Variants in TMEM132D observed in about 807,000 individuals in gnomAD.
The protein encoded by TMEM132D is transmembrane protein 132D.
In TMEM132D, 21 loss-of-function variants were observed where a neutral mutation model predicts 62.3. That is an observed-to-expected ratio of 0.34 (90% CI 0.24 to 0.49). TMEM132D has a LOEUF of 0.49. Ranked by LOEUF, TMEM132D falls within the 20% of genes least tolerant of loss-of-function variation. The pLI is 0.99. For synonymous variants in TMEM132D, 621 were observed against 575.6 expected (o/e 1.08, Z -1.13); for missense variants, 1,346 against 1,402.8 (o/e 0.96, Z 0.65).
intron 2 of TMEM132D, among the ~76,000 whole-genome samples, chr12:129,671,767 G>A (rs1308772778): frequency 6.6e-6 from 1 of 152,046 alleles, no homozygotes; most frequent in East Asian, 1.9e-4. Flanking sequence ...TTAAAGAAGT[G>A]GAAGCTACTT....
chr12:129,589,483 T>A (rs928901097), intron 2 of TMEM132D, among the ~76,000 whole-genome samples: 2 of 152,224 alleles, frequency 1.3e-5, no homozygotes, highest in Non-Finnish European at 2.9e-5. Context: ...TACCCGCATA[T>A]GCAAGGACAA....
At chr12:129,838,883 C>T (rs1851117148) in intron 1 of TMEM132D, among the ~76,000 whole-genome samples, 1 of 151,770 alleles carries the variant, frequency 6.6e-6, no homozygotes, top group African/African-American at 2.4e-5. Flanking sequence ...TGCTATATTC[C>T]ATTTAGCAGT....
In TMEM132D at chr12:129,724,858, T is replaced by C. The variant is rs148809555; in HGVS notation, c.80-24160A>G. ...TTAAGCTACTAAGTTTGTGGCAATT[T>C]CTTACAGCGGCAATAGGAAATTATA... On this transcript the variant is annotated intron_variant, in intron 1 of 8. Coordinates refer to ENST00000422113, the MANE Select transcript of TMEM132D (RefSeq NM_133448.3). Among the ~76,000 whole-genome samples the C allele has an allele frequency of 2.1e-3, 319 of 152,304 alleles. 2 individuals are homozygous for C. The highest frequency in any genetic ancestry group is 6.9e-3 in the African/African-American group (286 of 41,564).
chr12:129,542,521 C>A (rs1876611257), intron 2 of TMEM132D, among the ~76,000 whole-genome samples: 1 of 151,990 alleles, frequency 6.6e-6, no homozygotes, highest in Non-Finnish European at 1.5e-5. Flanking sequence ...ATTCAAATGG[C>A]ATGAATGGGG....
At chr12:129,743,519 A>G in intron 1 of TMEM132D, among the ~76,000 whole-genome samples, 1 of 152,196 alleles carries the variant, frequency 6.6e-6, no homozygotes, top group East Asian at 1.9e-4. Context: ...CTCCCCAGCC[A>G]TGCTGAACTG....
chr12:129,393,052 A>G (rs1371948522), intron 3 of TMEM132D, among the ~76,000 whole-genome samples: 1 of 152,220 alleles, frequency 6.6e-6, no homozygotes, highest in Admixed American at 6.5e-5. Flanking sequence ...CTAAGGTGCT[A>G]GAAGCTCAGA....
At chr12:129,387,071 A>G (rs1196887326) in intron 3 of TMEM132D, among the ~76,000 whole-genome samples, 2 of 151,804 alleles carry the variant, frequency 1.3e-5, no homozygotes, top group Non-Finnish European at 2.9e-5. Flanking sequence ...AACACCAAAC[A>G]CCAACACGAA....
At chr12:129,584,959 G>C (rs1354579015) in intron 2 of TMEM132D, among the ~76,000 whole-genome samples, 1 of 152,176 alleles carries the variant, frequency 6.6e-6, no homozygotes, top group East Asian at 1.9e-4. Context: ...AAATCTGAGA[G>C]ACTCTGAGCT....
At chr12:129,355,839 C>G (rs1285161384) in intron 3 of TMEM132D, among the ~76,000 whole-genome samples, 1 of 152,166 alleles carries the variant, frequency 6.6e-6, no homozygotes, top group Non-Finnish European at 1.5e-5. Context: ...GCCTAAAGTG[C>G]CTGAGAGTTC....
intron 2 of TMEM132D, among the ~76,000 whole-genome samples, chr12:129,606,950 A>G (rs888475449): frequency 5.3e-5 from 8 of 152,170 alleles, no homozygotes; most frequent in Admixed American, 3.9e-4. Flanking sequence ...TGGATTTCCA[A>G]CGAACATTTA....
At chr12:129,161,018 C>A (rs1373686561) in intron 5 of TMEM132D, among the ~76,000 whole-genome samples, 1 of 152,122 alleles carries the variant, frequency 6.6e-6, no homozygotes, top group East Asian at 1.9e-4. Flanking sequence ...GGATTCTGCC[C>A]AGAGCATACT....
intron 2 of TMEM132D, among the ~76,000 whole-genome samples, chr12:129,561,892 G>C (rs765839482): frequency 6.6e-6 from 1 of 152,176 alleles, no homozygotes; most frequent in African/African-American, 2.4e-5. Context: ...TTGCTGCTGT[G>C]AGTTAGAGTC....
chr12:129,603,710 C>T (rs1355986428), intron 2 of TMEM132D, among the ~76,000 whole-genome samples: 2 of 152,178 alleles, frequency 1.3e-5, no homozygotes, highest in Non-Finnish European at 2.9e-5. Flanking sequence ...AACACTTTTA[C>T]ACTGTTGGTG....
chr12:129,449,895 G>C (rs1002332402), intron 3 of TMEM132D, among the ~76,000 whole-genome samples: 1 of 152,172 alleles, frequency 6.6e-6, no homozygotes, highest in Admixed American at 6.5e-5. Flanking sequence ...TGGGTCTTGT[G>C]ATCAAAAGAT....
At chr12:129,687,281 C>T (rs1001942504) in intron 2 of TMEM132D, among the ~76,000 whole-genome samples, 4 of 152,092 alleles carry the variant, frequency 2.6e-5, no homozygotes, top group Non-Finnish European at 4.4e-5. Flanking sequence ...TATGCAGGTA[C>T]AAATGTCAAA....
chr12:129,506,719 T>C (rs1001288313), intron 3 of TMEM132D, among the ~76,000 whole-genome samples: 29 of 152,182 alleles, frequency 1.9e-4, no homozygotes, highest in African/African-American at 7.0e-4. Context: ...AGAAGATGTA[T>C]GAATGACTAA....
At chr12:129,751,510 C>G (rs920242563) in intron 1 of TMEM132D, among the ~76,000 whole-genome samples, 1 of 149,378 alleles carries the variant, frequency 6.7e-6, no homozygotes, top group African/African-American at 2.5e-5. Context: ...CCTGTGTCGC[C>G]CCCACCAGCC....
chr12:129,077,556 TACAC>T (rs376741136), intron 8 of TMEM132D, among the ~76,000 whole-genome samples: 60 of 151,924 alleles, frequency 3.9e-4, no homozygotes, highest in South Asian at 2.9e-3. Context: ...ATCACACACA[TACAC>T]ACAACACACA....
chr12:129,227,300 A>AAT (rs141108255), intron 4 of TMEM132D, among the ~76,000 whole-genome samples: 6,355 of 108,574 alleles, frequency 0.059, 599 homozygotes, highest in Middle Eastern at 0.08. Context: ...TGCGTTAGGA[A>AAT]ATATATATAT....
Sources: allele counts gnomAD v4.1 joint callset (sites outside exome capture counted in the v4.1 genomes callset), GRCh38; gene constraint gnomAD v4.1.1; transcripts MANE v1.5; gene names NCBI Gene and HGNC (gene_info 2026-07-23, HGNC 2026-07-21).